Variants in ENOX1 observed in about 807,000 individuals in gnomAD.
ENOX1 encodes the protein candidate growth-related and time keeping constitutive hydroquinone (NADH) oxidase.
A neutral mutation model predicts 82.5 loss-of-function variants in ENOX1; 42 were observed. The observed-to-expected ratio is 0.51, with a 90% CI of 0.40 to 0.66. The LOEUF is 0.66. Ranked by LOEUF, ENOX1 falls within the 30% of genes least tolerant of loss-of-function variation. The pLI is 0.00. For missense variants in ENOX1, 608 were observed against 811.6 expected (o/e 0.75, Z 3.05); for synonymous variants, 271 against 282.2 (o/e 0.96, Z 0.40).
rs1191873675 is a variant in ENOX1 at position 43,644,071 on chromosome 13, T to A, written c.-219+23408A>T. Among the ~76,000 whole-genome samples the A allele has an allele frequency of 2.6e-5, 4 of 152,162 alleles. No homozygotes were observed. The East Asian group carries it at 7.7e-4, about 29-fold the overall frequency. On this transcript the variant is annotated intron_variant, in intron 2 of 16. Transcript: ENST00000690772. ...CAAACTGCCATTGCTCTTTTAGTCATCTTAATTAATTGTAATTAGTTTTAA... is the reference window on the plus strand; with the variant it reads ...CAAACTGCCATTGCTCTTTTAGTCAACTTAATTAATTGTAATTAGTTTTAA...
intron 2 of ENOX1, among the ~76,000 whole-genome samples, chr13:43,580,922 T>C (rs1425189079): frequency 6.6e-6 from 1 of 152,202 alleles, no homozygotes; most frequent in East Asian, 1.9e-4. Flanking sequence ...CAATTTAATA[T>C]AGTTTGTCCT....
chr13:43,619,683 G>A (rs1192104127), intron 2 of ENOX1, among the ~76,000 whole-genome samples: 2 of 152,092 alleles, frequency 1.3e-5, no homozygotes, highest in East Asian at 1.9e-4. Context: ...TGGCATCTAT[G>A]TTCATCAAGG....
At chr13:43,561,638 CAAGT>C (rs1343964002) in intron 2 of ENOX1, among the ~76,000 whole-genome samples, 1 of 152,032 alleles carries the variant, frequency 6.6e-6, no homozygotes, top group Non-Finnish European at 1.5e-5. Flanking sequence ...TTACAAAAAT[CAAGT>C]AAGTATTAGT....
chr13:43,533,989 C>T (rs1015665852), intron 2 of ENOX1, among the ~76,000 whole-genome samples: 3 of 152,052 alleles, frequency 2.0e-5, no homozygotes, highest in Admixed American at 6.6e-5. Flanking sequence ...CTGTTTATTC[C>T]GTAATTTAGT....
At chr13:43,229,097 A>G (rs973011614) in intron 15 of ENOX1, among the ~76,000 whole-genome samples, 2 of 152,124 alleles carry the variant, frequency 1.3e-5, no homozygotes, top group Admixed American at 1.3e-4. Flanking sequence ...GTGAGATCTG[A>G]TGGTTTTATA....
At chr13:43,402,853 T>G (rs1239084257) in intron 5 of ENOX1, among the ~76,000 whole-genome samples, 2 of 152,206 alleles carry the variant, frequency 1.3e-5, no homozygotes, top group Non-Finnish European at 1.5e-5. Flanking sequence ...TGGCTTTTCT[T>G]TCTACTCTCT....
chr13:43,647,986 G>A lies in ENOX1; in HGVS notation c.-219+19493C>T, dbSNP rs373087857. ...GAATGTGTGTGACCTGTAGAAAATG[G>A]AAAAGGCAAGAGCATGGATCTCCCC... On this transcript the variant is annotated intron_variant, in intron 2 of 16. Transcript: ENST00000690772. 2.6e-4 allele frequency among the ~76,000 whole-genome samples: 40 copies of A among 152,316 alleles called. No individual in the cohort carries two copies. In the East Asian group the frequency reaches 7.3e-3, roughly 28 times the overall value.
intron 1 of ENOX1, among the ~76,000 whole-genome samples, chr13:43,759,174 C>T (rs1291667393): frequency 1.4e-5 from 2 of 146,848 alleles, no homozygotes; most frequent in Non-Finnish European, 3.0e-5. Flanking sequence ...TCTTGGCTCA[C>T]TGCAACCTCT....
intron 9 of ENOX1, among the ~76,000 whole-genome samples, chr13:43,330,573 C>A (rs1392359006): frequency 6.6e-6 from 1 of 152,130 alleles, no homozygotes; most frequent in Admixed American, 6.5e-5. Context: ...TCTTTCCCCC[C>A]CAATTCTGTG....
At chr13:43,244,675 C>T (rs2042996166) in intron 14 of ENOX1, among the ~76,000 whole-genome samples, 1 of 152,144 alleles carries the variant, frequency 6.6e-6, no homozygotes, top group Non-Finnish European at 1.5e-5. Flanking sequence ...TGTGACTTCC[C>T]CTATGACCCT....
intron 2 of ENOX1, among the ~76,000 whole-genome samples, chr13:43,638,970 G>C (rs1342975939): frequency 6.6e-6 from 1 of 152,168 alleles, no homozygotes; most frequent in Middle Eastern, 3.2e-3. Flanking sequence ...TGACAGCACA[G>C]AATTGGCATG....
chr13:43,466,971 T>C (rs1163540189), intron 3 of ENOX1, among the ~76,000 whole-genome samples: 2 of 152,234 alleles, frequency 1.3e-5, no homozygotes, highest in Non-Finnish European at 2.9e-5. Context: ...ATTCTGATTT[T>C]AGGTTGAATA....
chr13:43,664,604 G>A (rs2084889588), intron 2 of ENOX1, among the ~76,000 whole-genome samples: 1 of 152,180 alleles, frequency 6.6e-6, no homozygotes, highest in Admixed American at 6.5e-5. Context: ...CAAATTAACT[G>A]TTTCAATTTT....
At chr13:43,711,822 C>T (rs1258787722) in intron 1 of ENOX1, among the ~76,000 whole-genome samples, 1 of 150,374 alleles carries the variant, frequency 6.7e-6, no homozygotes, top group Non-Finnish European at 1.5e-5. Flanking sequence ...TGGATATTAG[C>T]CCTTTGTCAG....
chr13:43,247,917 G>A (rs1242239187), intron 14 of ENOX1, among the ~76,000 whole-genome samples: 1 of 82,338 alleles, frequency 1.2e-5, no homozygotes. Flanking sequence ...ACGGAGTCTC[G>A]CTCTGTCGCC....
chr13:43,282,496 G>A (rs914769240), intron 12 of ENOX1, among the ~76,000 whole-genome samples: 2 of 150,204 alleles, frequency 1.3e-5, no homozygotes, highest in African/African-American at 4.9e-5. Context: ...TGCCCAGGCT[G>A]GAATGCAGTG....
At chr13:43,736,971 C>T (rs1482369505) in intron 1 of ENOX1, among the ~76,000 whole-genome samples, 2 of 152,152 alleles carry the variant, frequency 1.3e-5, no homozygotes, top group Non-Finnish European at 2.9e-5. Flanking sequence ...CCAACTGAAC[C>T]GGAAGATACT....
At chr13:43,295,290 C>T (rs988952231) in intron 12 of ENOX1, among the ~76,000 whole-genome samples, 10 of 152,104 alleles carry the variant, frequency 6.6e-5, no homozygotes, top group Admixed American at 2.6e-4. Context: ...TAAAGGCTAC[C>T]GTGTTACCAT....
intron 5 of ENOX1, among the ~76,000 whole-genome samples, chr13:43,395,121 T>G (rs2053057454): frequency 6.6e-6 from 1 of 151,974 alleles, no homozygotes; most frequent in Non-Finnish European, 1.5e-5. Flanking sequence ...TCTACCTCAG[T>G]AGCAAGAAGG....
Sources: gnomAD v4.1 joint callset for allele counts (sites outside exome capture counted in the v4.1 genomes callset) on GRCh38, gnomAD v4.1.1 for gene constraint, MANE v1.5 for transcripts, NCBI Gene and HGNC (gene_info 2026-07-23, HGNC 2026-07-21) for gene names.